The following SYNPR variants were observed in gnomAD, a reference collection of about 807,000 sequenced individuals.
SYNPR encodes synaptoporin.
A neutral mutation model predicts 32.9 loss-of-function variants in SYNPR; 23 were observed. That is an observed-to-expected ratio of 0.70 (90% CI 0.50 to 0.99). The LOEUF (loss-of-function observed/expected upper bound fraction) is 0.99, where lower values mean the gene tolerates loss of function less well. Ranked by LOEUF, SYNPR falls within the 50% of genes least tolerant of loss-of-function variation. The pLI is 0.00. For synonymous variants in SYNPR, 146 were observed against 135.9 expected (o/e 1.07, Z -0.52); for missense variants, 318 against 349.3 (o/e 0.91, Z 0.71).
At chr3:63,425,124 A>T (rs1312009050) in intron 2 of SYNPR, among the ~76,000 whole-genome samples, 10 of 152,212 alleles carry the variant, frequency 6.6e-5, no homozygotes, top group Admixed American at 6.5e-4. Context: ...TTTTCACAGA[A>T]CAGTGCATGA....
intron 2 of SYNPR, among the ~76,000 whole-genome samples, chr3:63,325,902 G>A (rs1220487090): frequency 6.6e-6 from 1 of 151,690 alleles, no homozygotes; most frequent in African/African-American, 2.4e-5. Flanking sequence ...CAACACTCTG[G>A]GGCTCTAGGA....
At chr3:63,239,648 T>C (rs967848395) in intron 1 of SYNPR, among the ~76,000 whole-genome samples, 1 of 151,750 alleles carries the variant, frequency 6.6e-6, no homozygotes, top group African/African-American at 2.4e-5. Context: ...ATCCTACCAT[T>C]GTCATGTGTA....
intron 2 of SYNPR, among the ~76,000 whole-genome samples, chr3:63,337,142 G>A (rs2087305165): frequency 7.2e-6 from 1 of 138,322 alleles, no homozygotes; most frequent in Admixed American, 8.3e-5. Flanking sequence ...TGAGGCAGGA[G>A]AATTGATTGA....
chr3:63,325,167 C>T (rs751414514), intron 2 of SYNPR, among the ~76,000 whole-genome samples: 34 of 151,996 alleles, frequency 2.2e-4, no homozygotes, highest in Non-Finnish European at 4.3e-4. Flanking sequence ...TATAGTATGG[C>T]AGAACAGCCA....
At chr3:63,271,042 T>C (rs1307109873) in intron 3 of SYNPR, among the ~76,000 whole-genome samples, 1 of 90,112 alleles carries the variant, frequency 1.1e-5, no homozygotes, top group East Asian at 2.7e-4. Context: ...CTTCCTTCTT[T>C]TCTTCCTTCC....
At chr3:63,209,538 C>G in the SYNPR span, among the ~76,000 whole-genome samples, 1 of 152,136 alleles carries the variant, frequency 6.6e-6, no homozygotes, top group African/African-American at 2.4e-5. Flanking sequence ...TAGGTCTGTG[C>G]CATCCTTTAA....
intron 2 of SYNPR, among the ~76,000 whole-genome samples, chr3:63,442,431 G>T (rs770095116): frequency 1.3e-5 from 2 of 152,164 alleles, no homozygotes; most frequent in African/African-American, 4.8e-5. Context: ...CTCTCCCTGT[G>T]CTGCGGTATC....
At chr3:63,515,615 T>C (rs1701782045) in intron 3 of SYNPR, among the ~76,000 whole-genome samples, 1 of 152,128 alleles carries the variant, frequency 6.6e-6, no homozygotes, top group South Asian at 2.1e-4. Context: ...TCATGTGTTT[T>C]GGCCTGAGAA....
intron 2 of SYNPR, among the ~76,000 whole-genome samples, chr3:63,308,864 T>C (rs2086933450): frequency 6.6e-6 from 1 of 151,854 alleles, no homozygotes; most frequent in Non-Finnish European, 1.5e-5. Flanking sequence ...GTTTTATAAT[T>C]TTCATTGAAT....
At chr3:63,412,479 G>C (rs1395454453) in intron 2 of SYNPR, among the ~76,000 whole-genome samples, 1 of 152,148 alleles carries the variant, frequency 6.6e-6, no homozygotes, top group African/African-American at 2.4e-5. Context: ...ATCAAGAGAA[G>C]GACATGGACA....
intron 3 of SYNPR, among the ~76,000 whole-genome samples, chr3:63,530,445 T>A (rs559028637): frequency 5.9e-5 from 9 of 152,310 alleles, no homozygotes; most frequent in South Asian, 2.1e-4. Context: ...AAGGTTCTCT[T>A]CTGTATATTG....
chr3:63,436,175 C>T (rs1469783191), intron 2 of SYNPR, among the ~76,000 whole-genome samples: 1 of 151,698 alleles, frequency 6.6e-6, no homozygotes, highest in Non-Finnish European at 1.5e-5. Context: ...GACGTGAGCC[C>T]CCAGGTGAGT....
At chr3:63,386,450 C>G (rs1281782268) in intron 2 of SYNPR, among the ~76,000 whole-genome samples, 1 of 152,202 alleles carries the variant, frequency 6.6e-6, no homozygotes, top group Admixed American at 6.5e-5. Flanking sequence ...CATCAACAAG[C>G]TTTGTTGGAA....
intron 2 of SYNPR, among the ~76,000 whole-genome samples, chr3:63,406,295 A>G (rs991766449): frequency 2.0e-5 from 3 of 152,276 alleles, no homozygotes; most frequent in African/African-American, 4.8e-5. Context: ...TGTTGTAGAA[A>G]AAAACATTGG....
At chr3:63,405,542 A>C (rs2088348668) in intron 2 of SYNPR, among the ~76,000 whole-genome samples, 2 of 152,128 alleles carry the variant, frequency 1.3e-5, no homozygotes, top group South Asian at 4.2e-4. Flanking sequence ...CCCAGATAGC[A>C]CAGGGCCCAT....
At chr3:63,355,711 C>A (rs1052699901) in intron 2 of SYNPR, among the ~76,000 whole-genome samples, 2 of 152,110 alleles carry the variant, frequency 1.3e-5, no homozygotes, top group South Asian at 2.1e-4. Flanking sequence ...CTGGCCCCCC[C>A]AGCCAGTGCT....
chr3:63,545,743 A>C (rs945549633), intron 3 of SYNPR, among the ~76,000 whole-genome samples: 1 of 152,066 alleles, frequency 6.6e-6, no homozygotes. Flanking sequence ...ATTATGAAGA[A>C]CCTTACCTTT....
At chr3:63,458,767 G>A (rs1394395747) in intron 2 of SYNPR, among the ~76,000 whole-genome samples, 2 of 152,020 alleles carry the variant, frequency 1.3e-5, no homozygotes, top group African/African-American at 4.8e-5. Context: ...TTACCTTACT[G>A]CCAGAGCACA....
intron 4 of SYNPR, among the ~76,000 whole-genome samples, chr3:63,594,301 C>A (rs1470896637): frequency 6.6e-6 from 1 of 152,138 alleles, no homozygotes; most frequent in Non-Finnish European, 1.5e-5. Flanking sequence ...TCTAGCAAAT[C>A]ACTTAATCTT....
Sources: allele counts gnomAD v4.1 joint callset (sites outside exome capture counted in the v4.1 genomes callset), GRCh38; gene constraint gnomAD v4.1.1; transcripts MANE v1.5; gene names NCBI Gene and HGNC (gene_info 2026-07-23, HGNC 2026-07-21).